DENND3: variants seen among roughly 807,000 people sequenced by gnomAD.
DENND3 encodes the protein DENN domain-containing protein 3.
A neutral mutation model predicts 135.1 loss-of-function variants in DENND3; 88 were observed. That is an observed-to-expected ratio of 0.65 (90% CI 0.55 to 0.78). The LOEUF (loss-of-function observed/expected upper bound fraction) is 0.78. Among genes scored for constraint, DENND3 ranks in the 30% least tolerant of loss-of-function variants. The probability of loss-of-function intolerance (pLI) is 0.00; values close to 1 mark genes in which losing one functional copy is unlikely to be tolerated. For missense variants in DENND3, 1,392 were observed against 1,688.4 expected (o/e 0.82, Z 3.08); for synonymous variants, 693 against 712.3 (o/e 0.97, Z 0.43).
In DENND3 at chr8:141,144,379, C is replaced by T. The variant is rs922569899; in HGVS notation, c.735+120C>T. On this transcript the variant is annotated intron_variant, in intron 5 of 22. Coordinates refer to ENST00000519811, the MANE Select transcript of DENND3 (RefSeq NM_001352890.3). The surrounding 1 kb of genome is among the most constrained non-coding windows in gnomAD (Gnocchi z 4.4). ...TCTAGCTGTTGTAAACCTAAAATAACATCCTAACCCCCCCGCCTCCCCACA... is the reference window on the plus strand; with the variant it reads ...TCTAGCTGTTGTAAACCTAAAATAATATCCTAACCCCCCCGCCTCCCCACA... The T allele has an allele frequency of 1.3e-5, 13 of 979,922 alleles. 1 individual carries two copies. Among genetic ancestry groups the T allele is most frequent in the Middle Eastern group, 2.9e-4 (1 of 3,450 alleles). 60.7% of individuals were successfully genotyped at this position (979,922 alleles called of 1,614,324 possible). A position where few individuals can be genotyped will look rare whatever the true frequency, so the allele number is the denominator to read the frequency against.
rs1489268537 is a variant in DENND3 at position 141,146,841 on chromosome 8, T to C, written c.735+2582T>C. Among the ~76,000 whole-genome samples the C allele has an allele frequency of 1.3e-5, 2 of 152,164 alleles. No homozygotes were observed. Among genetic ancestry groups the C allele is most frequent in the African/African-American group, 2.4e-5 (1 of 41,426 alleles). On this transcript the variant is annotated intron_variant, in intron 5 of 22. Transcript: ENST00000519811. This position sits in a 1 kb window ranked among gnomAD's most constrained non-coding sequence, Gnocchi z 4.3. ...AGTTGGCATTTTCTTGTCAACAGTATGTGCAGTGAAATCATCAAAGTTTAT... is the reference window on the plus strand; with the variant it reads ...AGTTGGCATTTTCTTGTCAACAGTACGTGCAGTGAAATCATCAAAGTTTAT...
Position 141,194,142 on chromosome 8 carries a change from C to T in DENND3, c.3746C>T (p.Thr1249Ile), listed in dbSNP as rs759667126. Residue 1249 changes from threonine (T) to isoleucine (I), a missense_variant, in exon 23 of 23, where the codon ACC becomes ATC. Transcript: ENST00000519811. ...AAGGAGCTGGTGGCGCACATGGACA[C>T]CGTGAGGACGCTGTGCTCGGCTGAG... is the stretch of plus-strand genomic sequence containing the variant. ...VEKELVAHMD[T>I]VRTLCSAEDR... 4 of 1,613,754 alleles carry T rather than the reference C, an allele frequency of 2.5e-6. No individual in the cohort carries two copies. Among genetic ancestry groups the T allele is most frequent in the Non-Finnish European group, 2.5e-6 (3 of 1,180,020 alleles).
Position 141,155,962 on chromosome 8 carries a change from T to C in DENND3, c.1188T>C (p.Phe396=). Residue 396 remains phenylalanine (F), a synonymous_variant, in exon 8 of 23, where the codon TTT becomes TTC. Transcript: ENST00000519811. The part of the protein sequence containing the change: ...PDVPLLAAQT[F]IQRVQSLQLH... Reference sequence around the variant, plus strand: ...TCCCCCTCCTGGCAGCCCAGACGTTTATTCAGAGGTAACGGGAAACATTAA... The same window carrying C: ...TCCCCCTCCTGGCAGCCCAGACGTTCATTCAGAGGTAACGGGAAACATTAA... 6.2e-7 allele frequency: 1 copy of C among 1,606,938 alleles called. No homozygotes were observed. The highest frequency in any genetic ancestry group is 1.1e-5 in the South Asian group (1 of 89,770).
rs1160821708 is a variant in DENND3 at position 141,156,110 on chromosome 8, G to GT, written c.1196+144dup. On this transcript the variant is annotated intron_variant, in intron 8 of 22. Coordinates refer to ENST00000519811, the MANE Select transcript of DENND3 (RefSeq NM_001352890.3). ...AGTTTGGAAATTATTTGTGAATTTT[G>GT]TTTTCTGAGATTGAGTCTCACTCTT... 2.5e-6 allele frequency: 3 copies of GT among 1,215,906 alleles called. No homozygotes were observed. The Admixed American group carries it at 1.0e-4, about 41-fold the overall frequency. The allele number at this position is 1,215,906 out of a possible 1,614,324, so 75.3% of individuals were successfully genotyped here. A position where few individuals can be genotyped will look rare whatever the true frequency, so the allele number is the denominator to read the frequency against.
Position 141,194,190 on chromosome 8 carries a change from C to T in DENND3, c.3794C>T (p.Ser1265Leu), listed in dbSNP as rs200980381. Residue 1265 changes from serine (S) to leucine (L), a missense_variant, in exon 23 of 23, where the codon TCG becomes TTG. Coordinates refer to ENST00000519811, the MANE Select transcript of DENND3 (RefSeq NM_001352890.3). ...SAEDRYVLSGSGREEGKVAIW... is the reference protein window; with the variant it reads ...SAEDRYVLSGLGREEGKVAIW... Reference sequence around the variant, plus strand: ...GAGGACAGATACGTGCTGAGTGGGTCGGGCAGGGAGGAGGGGAAAGTCGCC... The same window carrying T: ...GAGGACAGATACGTGCTGAGTGGGTTGGGCAGGGAGGAGGGGAAAGTCGCC... The T allele has an allele frequency of 1.1e-5, 17 of 1,613,308 alleles. No homozygotes were observed. Among genetic ancestry groups the T allele is most frequent in the East Asian group, 6.7e-5 (3 of 44,862 alleles).
At chr8:141,176,878 T>TTA (rs2154613342) in intron 15 of DENND3, 117 bp downstream of exon 15, 2 of 1,141,730 alleles carry the variant, frequency 1.8e-6, no homozygotes, top group African/African-American at 3.1e-5. Context: ...CTGAGTGTCT[T>TTA]AAGCAGAGTA....
Position 141,141,414 on chromosome 8 carries a change from T to TG in DENND3, c.623+97dup, listed in dbSNP as rs200415858. ...CAAGGGACCAGGGGGCTGGAGGTGG[T>TG]GGGGGGGCAGCTCTCTGTTCCTCTC... On this transcript the variant is annotated intron_variant, in intron 4 of 22. Coordinates refer to ENST00000519811, the MANE Select transcript of DENND3 (RefSeq NM_001352890.3). This position sits in a 1 kb window ranked among gnomAD's most constrained non-coding sequence, Gnocchi z 5.3. 3.6e-4 allele frequency: 187 copies of TG among 520,986 alleles called. 1 individual carries two copies. Among genetic ancestry groups the TG allele is most frequent in the East Asian group, 4.5e-4 (5 of 11,122 alleles). 32.3% of individuals were successfully genotyped at this position (520,986 alleles called of 1,614,324 possible).
rs539297272 is a variant in DENND3, at chr8:141,188,930, G to A, written c.3085-56G>A. On this transcript the variant is annotated intron_variant, in intron 18 of 22. Transcript: ENST00000519811. ...CACGTGCAGTAAATGTATAGAATAT[G>A]ACTTCACCAGTATCGAGACTGACTG... 4.4e-6 allele frequency: 7 copies of A among 1,589,280 alleles called. No individual in the cohort carries two copies. The South Asian group carries it at 8.0e-5, about 18-fold the overall frequency.
chr8:141,136,097 G>A (rs1452660371), intron 1 of DENND3, among the ~76,000 whole-genome samples: 6 of 147,614 alleles, frequency 4.1e-5, no homozygotes, highest in East Asian at 5.1e-4. Flanking sequence ...GCTGAGTACC[G>A]GACCCACATT....
chr8:141,163,467 C>T, intron 10 of DENND3, 38 bp downstream of exon 10: 1 of 1,284,036 alleles, frequency 7.8e-7, no homozygotes, highest in Non-Finnish European at 1.1e-6. Flanking sequence ...TGTGTGTGTT[C>T]AATCCATTAT....
At chr8:141,131,671 G>A (rs1401876461) in intron 1 of DENND3, among the ~76,000 whole-genome samples, 1 of 152,240 alleles carries the variant, frequency 6.6e-6, no homozygotes, top group Non-Finnish European at 1.5e-5. Context: ...ATCCTATAGT[G>A]AAGATGAATT....
At chr8:141,142,801 T>C (rs1356744248) in intron 4 of DENND3, 1 of 164,258 alleles carries the variant, frequency 6.1e-6, no homozygotes, top group East Asian at 1.9e-4. Flanking sequence ...TTCTGTAAAA[T>C]GTAGATGGTT....
At chr8:141,163,296 A>G in intron 9 of DENND3, 37 bp from the exon 10 acceptor site, 1 of 1,294,938 alleles carries the variant, frequency 7.7e-7, no homozygotes, top group Non-Finnish European at 1.1e-6. Context: ...TGTATTTAAG[A>G]AAGTTTTAGC....
intron 8 of DENND3, among the ~76,000 whole-genome samples, chr8:141,160,158 C>T (rs1819950208): frequency 6.6e-6 from 1 of 150,612 alleles, no homozygotes; most frequent in South Asian, 2.1e-4. Flanking sequence ...ATCCACTCTT[C>T]CAGTCTTCCA....
chr8:141,171,496 G>A (rs946076589), intron 13 of DENND3, among the ~76,000 whole-genome samples: 30 of 152,228 alleles, frequency 2.0e-4, no homozygotes, highest in African/African-American at 7.2e-4. Flanking sequence ...ACGCCACCTA[G>A]CTGAGCAGGA....
intron 1 of DENND3, among the ~76,000 whole-genome samples, chr8:141,129,304 C>T (rs1815628582): frequency 6.6e-6 from 1 of 152,160 alleles, no homozygotes; most frequent in Non-Finnish European, 1.5e-5. Flanking sequence ...GTGGGTTTTG[C>T]ACCAGGCACA....
intron 18 of DENND3, chr8:141,188,537 C>T (rs781751220): frequency 1.3e-5 from 2 of 155,740 alleles, no homozygotes; most frequent in African/African-American, 2.4e-5. Context: ...TTTTCTGGGC[C>T]AACAAGTGTC....
At chr8:141,145,651 G>A (rs1817934354) in intron 5 of DENND3, among the ~76,000 whole-genome samples, 1 of 151,882 alleles carries the variant, frequency 6.6e-6, no homozygotes, top group African/African-American at 2.4e-5. Flanking sequence ...GATAAACAGA[G>A]CTAGTGATAT....
In DENND3 at chr8:141,175,637, C is replaced by T; in HGVS notation, c.2535+178C>T. On this transcript the variant is annotated intron_variant, in intron 14 of 22. Transcript: ENST00000519811. The surrounding 1 kb of genome is among the most constrained non-coding windows in gnomAD (Gnocchi z 5.4). The stretch of plus-strand genomic sequence containing the variant: ...TGTAAAGTAGGAATAAGGCTGATAC[C>T]TTCTCAGTGGGTGGTGGAGATTGAA... 1.1e-6 allele frequency: 1 copy of T among 872,662 alleles called. No homozygotes were observed. Among genetic ancestry groups the T allele is most frequent in the East Asian group, 2.7e-5 (1 of 37,482 alleles). 54.1% of individuals were successfully genotyped at this position (872,662 alleles called of 1,614,324 possible). A position where few individuals can be genotyped will look rare whatever the true frequency, so the allele number is the denominator to read the frequency against.
Sources: allele counts gnomAD v4.1 joint callset (sites outside exome capture counted in the v4.1 genomes callset), GRCh38; gene constraint gnomAD v4.1.1; non-coding constraint Gnocchi (gnomAD v3.1); transcripts MANE v1.5; gene names NCBI Gene and HGNC (gene_info 2026-07-23, HGNC 2026-07-21).